The following MSRA variants were observed in gnomAD, a reference collection of about 807,000 sequenced individuals.
MSRA encodes the protein mitochondrial peptide methionine sulfoxide reductase.
MSRA carries 54 observed loss-of-function variants against 31.3 expected under a neutral mutation model. That is an observed-to-expected ratio of 1.73 (90% CI 1.39 to 2.17). MSRA has a LOEUF of 2.17. MSRA is among the 30% of genes most tolerant of loss of function. MSRA has a pLI of 0.00. For synonymous variants in MSRA, 169 were observed against 116.5 expected, an observed-to-expected ratio of 1.45 and a Z score of -2.90; for missense variants, 507 against 300.9, an observed-to-expected ratio of 1.69 and a Z score of -5.07.
intron 1 of MSRA, among the ~76,000 whole-genome samples, chr8:10,138,988 G>A (rs1323975164): frequency 6.6e-6 from 1 of 152,220 alleles, no homozygotes; most frequent in African/African-American, 2.4e-5. Flanking sequence ...TCCCTGAGGA[G>A]TAGACCTCTG....
In MSRA at chr8:10,202,502, A is replaced by T. The variant is rs62491573; in HGVS notation, c.143-5331A>T. 2.6e-5 allele frequency among the ~76,000 whole-genome samples: 4 copies of T among 152,114 alleles called. No homozygotes were observed. In the East Asian group the frequency reaches 5.8e-4, roughly 22 times the overall value. On this transcript the variant is annotated intron_variant, in intron 1 of 5. Coordinates refer to ENST00000317173, the MANE Select transcript of MSRA (RefSeq NM_012331.5). Reference sequence around the variant, plus strand: ...CATCTTTGTTTTATCCATTTAAACCAGCAATGGCAAAATGATTTCATCACA... The same window carrying T: ...CATCTTTGTTTTATCCATTTAAACCTGCAATGGCAAAATGATTTCATCACA...
At chr8:10,074,712 G>C (rs778566419) in intron 1 of MSRA, among the ~76,000 whole-genome samples, 1 of 151,978 alleles carries the variant, frequency 6.6e-6, no homozygotes, top group South Asian at 2.1e-4. Flanking sequence ...AGGCTGGAGT[G>C]CAGTAGTACG....
chr8:10,286,688 T>A (rs1471572295), intron 3 of MSRA, among the ~76,000 whole-genome samples: 2 of 152,236 alleles, frequency 1.3e-5, no homozygotes, highest in East Asian at 3.9e-4. Context: ...TTTCAGTGTT[T>A]GGGTGAGTTC....
chr8:10,371,363 CA>C (rs1443187586), intron 5 of MSRA, among the ~76,000 whole-genome samples: 1 of 152,038 alleles, frequency 6.6e-6, no homozygotes, highest in Non-Finnish European at 1.5e-5. Flanking sequence ...CCTCAGTCCC[CA>C]AACCTGTGCC....
chr8:10,163,204 A>G (rs1190997540), intron 1 of MSRA, among the ~76,000 whole-genome samples: 1 of 152,128 alleles, frequency 6.6e-6, no homozygotes, highest in African/African-American at 2.4e-5. Flanking sequence ...AACCATGAGA[A>G]ATACACTTGT....
chr8:10,082,208 A>G (rs919812681), intron 1 of MSRA, among the ~76,000 whole-genome samples: 1 of 152,170 alleles, frequency 6.6e-6, no homozygotes, highest in Non-Finnish European at 1.5e-5. Context: ...CTGCTGCTAA[A>G]AAATGAAAAA....
chr8:10,237,834 C>A (rs557628457), intron 2 of MSRA, among the ~76,000 whole-genome samples: 1 of 152,280 alleles, frequency 6.6e-6, no homozygotes, highest in South Asian at 2.1e-4. Context: ...CTTCCTCCAC[C>A]ACCACTTGGT....
At chr8:10,189,976 T>C (rs1480133935) in intron 1 of MSRA, among the ~76,000 whole-genome samples, 1 of 152,194 alleles carries the variant, frequency 6.6e-6, no homozygotes, top group Admixed American at 6.5e-5. Context: ...ATTTTCTATT[T>C]CTCGTGTTAT....
chr8:10,186,961 TA>T (rs1392308411), intron 1 of MSRA, among the ~76,000 whole-genome samples: 1 of 152,268 alleles, frequency 6.6e-6, no homozygotes, highest in African/African-American at 2.4e-5. Context: ...GTTGATCTTG[TA>T]AATTCATGCT....
At chr8:10,184,098 T>C (rs1806805530) in intron 1 of MSRA, among the ~76,000 whole-genome samples, 1 of 151,792 alleles carries the variant, frequency 6.6e-6, no homozygotes, top group Non-Finnish European at 1.5e-5. Context: ...TGAGTGGTAG[T>C]GTTGATGGTC....
At chr8:10,091,106 G>C (rs553806728) in intron 1 of MSRA, among the ~76,000 whole-genome samples, 1 of 152,156 alleles carries the variant, frequency 6.6e-6, no homozygotes, top group African/African-American at 2.4e-5. Flanking sequence ...TGTTGGACTG[G>C]TCTTCTTTTC....
chr8:10,153,342 C>T (rs1374987586), intron 1 of MSRA, among the ~76,000 whole-genome samples: 1 of 152,034 alleles, frequency 6.6e-6, no homozygotes, highest in Non-Finnish European at 1.5e-5. Flanking sequence ...TGCCTTCCAC[C>T]TTCCTTTCCC....
At chr8:10,388,328 C>A (rs1806520857) in intron 5 of MSRA, among the ~76,000 whole-genome samples, 1 of 152,166 alleles carries the variant, frequency 6.6e-6, no homozygotes, top group South Asian at 2.1e-4. Context: ...GATTTAAGGT[C>A]ACCCCCGTCT....
At chr8:10,348,583 T>A (rs1481426903) in intron 5 of MSRA, among the ~76,000 whole-genome samples, 1 of 152,020 alleles carries the variant, frequency 6.6e-6, no homozygotes, top group Non-Finnish European at 1.5e-5. Context: ...TTGGCCAGGA[T>A]GGTCTTGATC....
Position 10,359,933 on chromosome 8 carries a change from G to A in MSRA, c.543+39944G>A, listed in dbSNP as rs1804745258. Among the ~76,000 whole-genome samples the A allele has an allele frequency of 3.9e-5, 6 of 152,314 alleles. No homozygotes were observed. The South Asian group carries it at 1.2e-3, about 32-fold the overall frequency. The stretch of plus-strand genomic sequence containing the variant: ...GTTAAAACTGTGCAGCTGGCCCTCT[G>A]AGATGTCCTGTTTCTGTTCCCCTCC... On this transcript the variant is annotated intron_variant, in intron 5 of 5. Transcript: ENST00000317173.
At chr8:10,277,222 T>G (rs960300280) in intron 3 of MSRA, among the ~76,000 whole-genome samples, 9 of 152,222 alleles carry the variant, frequency 5.9e-5, no homozygotes, top group Non-Finnish European at 1.2e-4. Flanking sequence ...AAGTCTCGTA[T>G]CTTTTTCTCC....
At chr8:10,311,639 A>G (rs781385485) in intron 4 of MSRA, among the ~76,000 whole-genome samples, 1 of 152,180 alleles carries the variant, frequency 6.6e-6, no homozygotes, top group Non-Finnish European at 1.5e-5. Flanking sequence ...CTGGCCAGGC[A>G]TTATGGCTCA....
At chr8:10,116,682 G>A (rs992856789) in intron 1 of MSRA, among the ~76,000 whole-genome samples, 1 of 152,130 alleles carries the variant, frequency 6.6e-6, no homozygotes, top group Non-Finnish European at 1.5e-5. Flanking sequence ...TACATATGAT[G>A]GAGTTTTGAG....
chr8:10,117,527 A>T (rs1378825759), intron 1 of MSRA, among the ~76,000 whole-genome samples: 1 of 152,146 alleles, frequency 6.6e-6, no homozygotes, highest in Admixed American at 6.5e-5. Flanking sequence ...TATACATGTA[A>T]GTTTCTATGT....
Sources: gnomAD v4.1 joint callset for allele counts (sites outside exome capture counted in the v4.1 genomes callset) on GRCh38, gnomAD v4.1.1 for gene constraint, MANE v1.5 for transcripts, NCBI Gene and HGNC (gene_info 2026-07-23, HGNC 2026-07-21) for gene names.